Variants in MYRFL observed in about 807,000 individuals in gnomAD.
MYRFL encodes myelin regulatory factor-like protein.
Under a neutral mutation model 109.4 loss-of-function variants are expected in MYRFL, and 88 were observed. The observed-to-expected ratio is 0.80, with a 90% CI of 0.68 to 0.96. The LOEUF (loss-of-function observed/expected upper bound fraction) is 0.96. MYRFL is among the 40% of genes least tolerant of loss of function. The pLI is 0.00. For synonymous variants in MYRFL, 324 were observed against 320.9 expected, an observed-to-expected ratio of 1.01 and a Z score of -0.10; for missense variants, 957 against 954.9, an observed-to-expected ratio of 1.00 and a Z score of -0.03.
chr12:69,834,594 T>C (rs1433286478), intron 1 of MYRFL, among the ~76,000 whole-genome samples: 2 of 152,226 alleles, frequency 1.3e-5, no homozygotes, highest in Non-Finnish European at 2.9e-5. Context: ...GGTAGTGGTT[T>C]TTATTATAGT....
intron 15 of MYRFL, among the ~76,000 whole-genome samples, chr12:69,930,814 A>AG (rs1491589468): frequency 7.2e-5 from 1 of 13,962 alleles, no homozygotes; most frequent in Non-Finnish European, 3.3e-4. Flanking sequence ...CCTATCTAAG[A>AG]AAAAAAAAAA....
chr12:69,879,299 A>C lies in MYRFL; in HGVS notation c.310A>C (p.Thr104Pro). Residue 104 changes from threonine (T) to proline (P), a missense_variant, in exon 4 of 25, where the codon ACC becomes CCC. Thr to Pro is a conservative substitution (Grantham distance 38, BLOSUM62 -1). Coordinates refer to ENST00000552032, the MANE Select transcript of MYRFL (RefSeq NM_182530.3). ...AMPPMHPLQSTSGMGDSCQIH... is the reference protein window; with the variant it reads ...AMPPMHPLQSPSGMGDSCQIH... ...GCCGCCCATGCACCCGCTGCAGAGC[A>C]CCTCTGGAATGGGCGACTCCTGCCA... 1.4e-6 allele frequency: 1 copy of C among 702,752 alleles called. No individual in the cohort carries two copies. Among genetic ancestry groups the C allele is most frequent in the Non-Finnish European group, 2.6e-6 (1 of 384,828 alleles). 43.5% of individuals were successfully genotyped at this position (702,752 alleles called of 1,614,324 possible).
At chr12:69,881,582 G>C (rs1027396180) in intron 5 of MYRFL, among the ~76,000 whole-genome samples, 36 of 152,308 alleles carry the variant, frequency 2.4e-4, no homozygotes, top group African/African-American at 8.4e-4. Context: ...TCCAGCGTGG[G>C]CTGTGGAGGC....
At position 69,936,594 on chromosome 12, in the gene MYRFL, A is replaced by T; in HGVS notation, c.2186A>T (p.Gln729Leu). ...KEVSSSPVQR[Q>L]SEEKEFHQRR... ...GTCTCTTCAAGTCCTGTGCAAAGACAATCTGAGGAGAAGGAATTCCATCAG... is the reference window on the plus strand; with the variant it reads ...GTCTCTTCAAGTCCTGTGCAAAGACTATCTGAGGAGAAGGAATTCCATCAG... The change falls in exon 19 of 25, where the codon CAA becomes CTA. Residue 729 changes from glutamine to leucine, a missense_variant. By Grantham distance (113) the Gln-to-Leu change is moderately radical. Transcript: ENST00000552032. The T allele has an allele frequency of 6.5e-6, 10 of 1,533,626 alleles. No individual in the cohort carries two copies. The highest frequency in any genetic ancestry group is 2.0e-5 in the Admixed American group (1 of 50,792).
At chr12:69,853,667 A>G (rs1884062512) in intron 1 of MYRFL, among the ~76,000 whole-genome samples, 1 of 142,736 alleles carries the variant, frequency 7.0e-6, no homozygotes, top group African/African-American at 2.7e-5. Flanking sequence ...CACATCCCAG[A>G]CGATGGGCGG....
Position 69,936,610 on chromosome 12 carries a change from A to T in MYRFL, c.2202A>T (p.Glu734Asp). The change falls in exon 19 of 25, where the codon GAA becomes GAT. Residue 734 changes from glutamate (E) to aspartate (D), a missense_variant. By Grantham distance (45) the Glu-to-Asp change is conservative. Transcript: ENST00000552032. ...TGCAAAGACAATCTGAGGAGAAGGAATTCCATCAGAGGCGATGGTCAGGTA... is the reference window on the plus strand; with the variant it reads ...TGCAAAGACAATCTGAGGAGAAGGATTTCCATCAGAGGCGATGGTCAGGTA... ...SPVQRQSEEK[E>D]FHQRRWSEDK... 1 of 1,530,710 alleles carries T rather than the reference A, an allele frequency of 6.5e-7. No homozygotes were observed. The highest frequency in any genetic ancestry group is 8.7e-7 in the Non-Finnish European group (1 of 1,143,350). The allele number at this position is 1,530,710 out of a possible 1,614,324, so 94.8% of individuals were successfully genotyped here.
chr12:69,891,615 CTT>C (rs1566002094), intron 7 of MYRFL, among the ~76,000 whole-genome samples: 9 of 113,092 alleles, frequency 8.0e-5, no homozygotes, highest in Non-Finnish European at 8.9e-5. Flanking sequence ...CTCTTTCTTT[CTT>C]TCTTTCCTCC....
intron 1 of MYRFL, among the ~76,000 whole-genome samples, chr12:69,831,116 T>C (rs1882604725): frequency 6.6e-6 from 1 of 152,124 alleles, no homozygotes; most frequent in African/African-American, 2.4e-5. Context: ...AAAACAAAAA[T>C]GGGATTATAT....
At chr12:69,857,360 G>T (rs926550976) in intron 2 of MYRFL, among the ~76,000 whole-genome samples, 11 of 151,708 alleles carry the variant, frequency 7.3e-5, no homozygotes, top group Non-Finnish European at 1.2e-4. Context: ...TTTCAATATT[G>T]TCTTGGTTAT....
At chr12:69,830,330 A>G (rs1211801327) in intron 1 of MYRFL, among the ~76,000 whole-genome samples, 1 of 151,068 alleles carries the variant, frequency 6.6e-6, no homozygotes, top group Non-Finnish European at 1.5e-5. Context: ...GATATATTCT[A>G]CCTTCTGTTT....
intron 10 of MYRFL, among the ~76,000 whole-genome samples, chr12:69,899,306 A>G (rs1954109005): frequency 6.6e-6 from 1 of 152,234 alleles, no homozygotes. Flanking sequence ...GGTTTATTTA[A>G]TTGTTTAAGA....
intron 6 of MYRFL, among the ~76,000 whole-genome samples, chr12:69,888,967 C>A (rs552666627): frequency 6.6e-6 from 1 of 152,280 alleles, no homozygotes; most frequent in South Asian, 2.1e-4. Flanking sequence ...GAGCCTTTGA[C>A]TGATTGGCTT....
intron 13 of MYRFL, among the ~76,000 whole-genome samples, chr12:69,917,087 C>T (rs983351848): frequency 4.6e-5 from 7 of 152,120 alleles, no homozygotes; most frequent in African/African-American, 7.2e-5. Flanking sequence ...GAGTGGTTCT[C>T]AGCCCTAAAG....
chr12:69,938,024 T>C (rs757147115), intron 19 of MYRFL, among the ~76,000 whole-genome samples: 13 of 152,240 alleles, frequency 8.5e-5, no homozygotes, highest in Non-Finnish European at 1.6e-4. Context: ...GAGAGTTCTT[T>C]CACTACAGCA....
chr12:69,827,651 T>C (rs190115831), intron 1 of MYRFL, among the ~76,000 whole-genome samples: 2 of 152,232 alleles, frequency 1.3e-5, no homozygotes, highest in Admixed American at 1.3e-4. Flanking sequence ...AAAAATTGGT[T>C]ACAACCTAAA....
chr12:69,836,879 T>C (rs1483644536), intron 1 of MYRFL, among the ~76,000 whole-genome samples: 2 of 152,206 alleles, frequency 1.3e-5, no homozygotes, highest in African/African-American at 4.8e-5. Context: ...AACAAAAATC[T>C]ATAGACGGCC....
At chr12:69,932,261 G>T (rs1955295044) in intron 15 of MYRFL, among the ~76,000 whole-genome samples, 1 of 152,204 alleles carries the variant, frequency 6.6e-6, no homozygotes, top group Non-Finnish European at 1.5e-5. Flanking sequence ...AAAGATCATT[G>T]TCTGCAGGAT....
At chr12:69,845,946 C>G (rs1310292811) in intron 1 of MYRFL, among the ~76,000 whole-genome samples, 1 of 152,040 alleles carries the variant, frequency 6.6e-6, no homozygotes, top group Non-Finnish European at 1.5e-5. Context: ...GCTCTTGACA[C>G]CCTTCTAAAT....
In MYRFL at chr12:69,855,307, A is replaced by C; in HGVS notation, c.74A>C (p.Asn25Thr). The change falls in exon 2 of 25, where the codon AAC becomes ACC. Residue 25 changes from asparagine to threonine, a missense_variant. Physicochemically the swap from Asn to Thr is moderately conservative, Grantham distance 65 (BLOSUM62 0). Transcript: ENST00000552032. The stretch of plus-strand genomic sequence containing the variant: ...CAGGGAGCCAATGGTACTCTGGAGA[A>C]CCCAGCCCTGGACACAAGTCTGTTG... ...EAQGANGTLE[N>T]PALDTSLLEE... The C allele has an allele frequency of 1.4e-6, 1 of 702,688 alleles. No individual in the cohort carries two copies. The highest frequency in any genetic ancestry group is 2.6e-6 in the Non-Finnish European group (1 of 384,778). 43.5% of individuals were successfully genotyped at this position (702,688 alleles called of 1,614,324 possible).
Sources: gnomAD v4.1 joint callset for allele counts (sites outside exome capture counted in the v4.1 genomes callset) on GRCh38, gnomAD v4.1.1 for gene constraint, MANE v1.5 for transcripts, NCBI Gene and HGNC (gene_info 2026-07-23, HGNC 2026-07-21) for gene names.